ARFGEF1: variants seen among roughly 807,000 people sequenced by gnomAD.
ARFGEF1 encodes ARF guanine nucleotide exchange factor 1, also known as brefeldin A-inhibited guanine nucleotide-exchange protein 1.
In ARFGEF1, 42 loss-of-function variants were observed where a neutral mutation model predicts 231.0. That is an observed-to-expected ratio of 0.18 (90% CI 0.14 to 0.24). The LOEUF (loss-of-function observed/expected upper bound fraction) is 0.24. Ranked by LOEUF, ARFGEF1 falls within the 10% of genes least tolerant of loss-of-function variation. ARFGEF1 has a pLI of 1.00. For synonymous variants in ARFGEF1, 710 were observed against 732.3 expected (o/e 0.97, Z 0.49); for missense variants, 1,345 against 2,192.0 (o/e 0.61, Z 7.72).
Position 67,259,917 on chromosome 8 carries a change from C to G in ARFGEF1, c.2133G>C (p.Lys711Asn), listed in dbSNP as rs1222260912. 1 of 1,595,368 alleles carries G rather than the reference C, an allele frequency of 6.3e-7. No individual in the cohort carries two copies. The highest frequency in any genetic ancestry group is 8.6e-7 in the Non-Finnish European group (1 of 1,167,486). Residue 711 changes from lysine to asparagine, a missense_variant, in exon 15 of 39, where the codon AAG becomes AAC. By Grantham distance (94) the Lys-to-Asn change is moderately conservative. Coordinates refer to ENST00000262215, the MANE Select transcript of ARFGEF1 (RefSeq NM_006421.5). The stretch of plus-strand genomic sequence containing the variant: ...GGTACTGTATTCCTCTCTTTGGTTT[C>G]TTATTAAATCTAGATGATGTTAAAT... ...IIEQGIDLFN[K>N]KPKRGIQYLQ...
At chr8:67,337,990 T>A (rs933479320) in intron 1 of ARFGEF1, among the ~76,000 whole-genome samples, 2 of 152,240 alleles carry the variant, frequency 1.3e-5, no homozygotes, top group African/African-American at 4.8e-5. Context: ...CATGTATTTT[T>A]CCTTTTCAAA....
At chr8:67,301,840 T>C (rs1345500282) in intron 2 of ARFGEF1, among the ~76,000 whole-genome samples, 1 of 152,230 alleles carries the variant, frequency 6.6e-6, no homozygotes, top group Non-Finnish European at 1.5e-5. Flanking sequence ...AAGAAAAGAC[T>C]CTGAAGCCTA....
rs113498447 is a variant in ARFGEF1 at position 67,282,847 on chromosome 8, C to CAA, written c.1027+5106_1027+5107dup. On this transcript the variant is annotated intron_variant, in intron 7 of 38. Coordinates refer to ENST00000262215, the MANE Select transcript of ARFGEF1 (RefSeq NM_006421.5). Reference sequence around the variant, plus strand: ...TCGATGATAGAGCAAGACTTCATCTCAAAAAAAAAAAAAGAAAGAAAGAAA... The same window carrying CAA: ...TCGATGATAGAGCAAGACTTCATCTCAAAAAAAAAAAAAAAGAAAGAAAGAAA... Among the ~76,000 whole-genome samples, 393 of 116,252 alleles carry CAA rather than the reference C, an allele frequency of 3.4e-3. 2 individuals carry two copies. The highest frequency in any genetic ancestry group is 0.011 in the African/African-American group (330 of 31,142). 76.3% of individuals were successfully genotyped at this position (116,252 alleles called of 152,430 possible). A position where few individuals can be genotyped will look rare whatever the true frequency, so the allele number is the denominator to read the frequency against.
At chr8:67,324,471 T>C (rs1465714485) in intron 1 of ARFGEF1, among the ~76,000 whole-genome samples, 2 of 152,222 alleles carry the variant, frequency 1.3e-5, no homozygotes, top group East Asian at 3.8e-4. Flanking sequence ...TATAATTCTA[T>C]GGCAAACTCA....
At position 67,277,341 on chromosome 8, in the gene ARFGEF1, C is replaced by G; in HGVS notation, c.1144G>C (p.Val382Leu). ...TCAGGTAAGGATGGTGTATATGCAA[C>G]AGAAATTGGTGTTCCTGGAATTCCA... is the stretch of plus-strand genomic sequence containing the variant. ...ANGIPGTPIS[V>L]AYTPSLPDDR... The change falls in exon 8 of 39, where the codon GTT (valine) becomes CTT (leucine). Residue 382 changes from valine (V) to leucine (L), a missense_variant. Transcript: ENST00000262215. 6.2e-7 allele frequency: 1 copy of G among 1,613,548 alleles called. No homozygotes were observed. Among genetic ancestry groups the G allele is most frequent in the Non-Finnish European group, 8.5e-7 (1 of 1,179,756 alleles).
In ARFGEF1 at chr8:67,339,877, A is replaced by G. The variant is rs566997611; in HGVS notation, c.124+3287T>C. ...TAAGAAAATTTGAAAAACGTTTTAC[A>G]TTAACTCTGCATCCCTTTAAAGGTT... On this transcript the variant is annotated intron_variant, in intron 1 of 38. Coordinates refer to ENST00000262215, the MANE Select transcript of ARFGEF1 (RefSeq NM_006421.5). 4.1e-3 allele frequency among the ~76,000 whole-genome samples: 619 copies of G among 149,380 alleles called. 9 individuals are homozygous for G. Among genetic ancestry groups the G allele is most frequent in the African/African-American group, 0.015 (590 of 40,570 alleles).
At position 67,343,322 on chromosome 8, in the gene ARFGEF1, C is replaced by A. The variant is rs1563927082; in HGVS notation, c.-35G>T. The stretch of plus-strand genomic sequence containing the variant: ...GAAGGAGGCGGCGGCTCGTCCGACC[C>A]GCGGCTCCCAGCGGCTGGAGGGGAG... On this transcript the variant is annotated 5_prime_UTR_variant, in exon 1 of 39. Coordinates refer to ENST00000262215, the MANE Select transcript of ARFGEF1 (RefSeq NM_006421.5). 1.9e-6 allele frequency: 3 copies of A among 1,599,870 alleles called. No individual in the cohort carries two copies. Among genetic ancestry groups the A allele is most frequent in the African/African-American group, 2.7e-5 (2 of 74,084 alleles).
At chr8:67,255,784 C>T (rs948015782) in intron 17 of ARFGEF1, among the ~76,000 whole-genome samples, 3 of 152,192 alleles carry the variant, frequency 2.0e-5, no homozygotes, top group Admixed American at 6.5e-5. Flanking sequence ...CAGTTGCCAC[C>T]GCTAGACTAG....
At chr8:67,245,387 T>C (rs1840073021) in intron 19 of ARFGEF1, among the ~76,000 whole-genome samples, 1 of 150,362 alleles carries the variant, frequency 6.7e-6, no homozygotes, top group African/African-American at 2.5e-5. Flanking sequence ...GAAAGATGAC[T>C]CACAGCTTTT....
Position 67,343,334 on chromosome 8 carries a change from C to T in ARFGEF1, c.-47G>A, listed in dbSNP as rs879218215. 25 of 1,568,370 alleles carry T rather than the reference C, an allele frequency of 1.6e-5. No homozygotes were observed. Among genetic ancestry groups the T allele is most frequent in the Non-Finnish European group, 2.2e-5 (25 of 1,152,416 alleles). On this transcript the variant is annotated 5_prime_UTR_variant, in exon 1 of 39. Coordinates refer to ENST00000262215, the MANE Select transcript of ARFGEF1 (RefSeq NM_006421.5). ...GGCTCGTCCGACCCGCGGCTCCCAG[C>T]GGCTGGAGGGGAGGAGGAGGAGAGG...
intron 10 of ARFGEF1, among the ~76,000 whole-genome samples, chr8:67,268,353 A>G (rs185435107): frequency 6.6e-6 from 1 of 152,340 alleles, no homozygotes; most frequent in East Asian, 1.9e-4. Flanking sequence ...GGCACATAGT[A>G]GGTGTTCAAT....
intron 34 of ARFGEF1, among the ~76,000 whole-genome samples, chr8:67,211,225 T>C (rs1838734059): frequency 6.6e-6 from 1 of 150,940 alleles, no homozygotes; most frequent in Non-Finnish European, 1.5e-5. Context: ...ACACTTGTAG[T>C]CCCAGCTACC....
chr8:67,221,240 A>G (rs1054579457), intron 29 of ARFGEF1, among the ~76,000 whole-genome samples: 1 of 152,198 alleles, frequency 6.6e-6, no homozygotes, highest in Non-Finnish European at 1.5e-5. Context: ...TATACTTACA[A>G]ATTTTTAAAA....
downstream of ARFGEF1, chr8:67,195,376 C>T (rs1212931928): frequency 2.5e-6 from 4 of 1,610,022 alleles, no homozygotes; most frequent in East Asian, 4.5e-5. Flanking sequence ...CCCTTGCCTC[C>T]TGTAGATGAT....
At chr8:67,275,163 C>T (rs1336728613) in intron 9 of ARFGEF1, among the ~76,000 whole-genome samples, 2 of 151,940 alleles carry the variant, frequency 1.3e-5, no homozygotes, top group Non-Finnish European at 2.9e-5. Context: ...TTTCAATATC[C>T]CTTTCTTAAA....
chr8:67,211,659 T>C (rs1228114300), intron 33 of ARFGEF1, 44 bp from the exon 34 acceptor site: 8 of 1,213,058 alleles, frequency 6.6e-6, no homozygotes, highest in Admixed American at 5.8e-5. Context: ...GTTAATAAAG[T>C]TTATGGGTGA....
intron 1 of ARFGEF1, among the ~76,000 whole-genome samples, chr8:67,311,239 G>A (rs1807022871): frequency 7.0e-6 from 1 of 142,688 alleles, no homozygotes; most frequent in African/African-American, 2.6e-5. Flanking sequence ...GAGGGAGGTG[G>A]GGAGGTCAGC....
At position 67,212,788 on chromosome 8, in the gene ARFGEF1, C is replaced by G. The variant is rs76409682; in HGVS notation, c.4687-1173G>C. Reference sequence around the variant, plus strand: ...ATTTTAAGGAAGAAATTACTCAGTTCTCAGAATTAAAAATGTATTATCTTA... The same window carrying G: ...ATTTTAAGGAAGAAATTACTCAGTTGTCAGAATTAAAAATGTATTATCTTA... On this transcript the variant is annotated intron_variant, in intron 33 of 38. Transcript: ENST00000262215. Among the ~76,000 whole-genome samples the G allele has an allele frequency of 6.0e-3, 913 of 152,292 alleles. 6 individuals carry two copies. Among genetic ancestry groups the G allele is most frequent in the Non-Finnish European group, 9.6e-3 (650 of 68,030 alleles).
chr8:67,308,944 A>G (rs541016663), intron 1 of ARFGEF1, among the ~76,000 whole-genome samples: 1 of 152,310 alleles, frequency 6.6e-6, no homozygotes, highest in Non-Finnish European at 1.5e-5. Context: ...ATTCTGAAAT[A>G]TATAATGCAT....
Sources: allele counts gnomAD v4.1 joint callset (sites outside exome capture counted in the v4.1 genomes callset), GRCh38; gene constraint gnomAD v4.1.1; transcripts MANE v1.5; gene names NCBI Gene and HGNC (gene_info 2026-07-23, HGNC 2026-07-21).